Variants in GRID2 observed in about 807,000 individuals in gnomAD.
GRID2 encodes glutamate receptor ionotropic, delta-2.
In GRID2, 33 loss-of-function variants were observed where a neutral mutation model predicts 114.8. The ratio of observed to expected loss-of-function variants is 0.29; its 90% CI spans 0.22 to 0.38. The LOEUF (loss-of-function observed/expected upper bound fraction) is 0.38. GRID2 is among the 10% of genes least tolerant of loss of function. The pLI is 1.00. For synonymous variants in GRID2, 505 were observed against 449.9 expected, an observed-to-expected ratio of 1.12 and a Z score of -1.55; for missense variants, 1,184 against 1,257.7, an observed-to-expected ratio of 0.94 and a Z score of 0.89.
At chr4:93,407,992 C>A (rs1270291477) in intron 9 of GRID2, among the ~76,000 whole-genome samples, 1 of 152,006 alleles carries the variant, frequency 6.6e-6, no homozygotes, top group African/African-American at 2.4e-5. Context: ...CTTTGCAATT[C>A]AATTAAAAAT....
intron 1 of GRID2, among the ~76,000 whole-genome samples, chr4:92,478,383 T>C (rs1267193516): frequency 6.6e-6 from 1 of 152,090 alleles, no homozygotes; most frequent in African/African-American, 2.4e-5. Flanking sequence ...CTCCATAAAA[T>C]TGCATTTTAG....
At chr4:92,704,120 T>C (rs1225583377) in intron 2 of GRID2, among the ~76,000 whole-genome samples, 1 of 151,914 alleles carries the variant, frequency 6.6e-6, no homozygotes, top group Non-Finnish European at 1.5e-5. Context: ...ACTTAAAAAA[T>C]ACAAAAAATT....
chr4:92,839,392 A>G (rs946025225), intron 2 of GRID2, among the ~76,000 whole-genome samples: 16 of 148,002 alleles, frequency 1.1e-4, no homozygotes, highest in Non-Finnish European at 2.1e-4. Context: ...GGCATTAGGT[A>G]TATCTCCTAA....
At position 93,773,684 on chromosome 4, in the gene GRID2, T is replaced by C. The variant is rs1353731708; in HGVS notation, c.*1186T>C. On this transcript the variant is annotated 3_prime_UTR_variant, in exon 16 of 16. Coordinates refer to ENST00000282020, the MANE Select transcript of GRID2 (RefSeq NM_001510.4). ...CAAAGCAGCAAGTCAATCAATACAA[T>C]AATGATATTTGGGGAGGGGTGGGAG... The C allele has an allele frequency of 6.6e-6, 1 of 152,112 alleles. No homozygotes were observed. Among genetic ancestry groups the C allele is most frequent in the Non-Finnish European group, 1.5e-5 (1 of 67,976 alleles). 9.4% of individuals were successfully genotyped at this position (152,112 alleles called of 1,614,324 possible). A position where few individuals can be genotyped will look rare whatever the true frequency, so the allele number is the denominator to read the frequency against.
chr4:93,786,749 G>C (rs996401664), intron 1 of GRID2, among the ~76,000 whole-genome samples: 1 of 152,198 alleles, frequency 6.6e-6, no homozygotes, highest in Admixed American at 6.5e-5. Flanking sequence ...GTACAGCTTT[G>C]AGGGCTCAGC....
chr4:92,748,632 GTATTATTATTAT>G (rs10673614), intron 2 of GRID2, among the ~76,000 whole-genome samples: 3,296 of 137,748 alleles, frequency 0.024, 82 homozygotes, highest in East Asian at 0.1. Context: ...TAATTAAATT[GTATTATTATTAT>G]TATTATTATT....
At chr4:93,704,182 G>A (rs542107081) in intron 14 of GRID2, among the ~76,000 whole-genome samples, 1 of 152,026 alleles carries the variant, frequency 6.6e-6, no homozygotes, top group Non-Finnish European at 1.5e-5. Context: ...TTTAATGATG[G>A]CCATTCTAAT....
intron 2 of GRID2, among the ~76,000 whole-genome samples, chr4:92,704,571 T>C (rs978725755): frequency 6.6e-6 from 1 of 152,182 alleles, no homozygotes; most frequent in Admixed American, 6.5e-5. Flanking sequence ...TAAATATTTG[T>C]CTTTAAAATT....
At chr4:92,550,369 G>A (rs567515461) in intron 1 of GRID2, among the ~76,000 whole-genome samples, 1 of 152,238 alleles carries the variant, frequency 6.6e-6, no homozygotes, top group South Asian at 2.1e-4. Context: ...ATAATAGTAT[G>A]TTAAGAACCA....
intron 13 of GRID2, among the ~76,000 whole-genome samples, chr4:93,594,616 A>G (rs1738837582): frequency 1.3e-5 from 2 of 152,176 alleles, no homozygotes; most frequent in Non-Finnish European, 2.9e-5. Flanking sequence ...TGTTTACCTA[A>G]GCAAGCCTGG....
At chr4:92,907,639 A>G (rs2149487515) in intron 2 of GRID2, among the ~76,000 whole-genome samples, 1 of 151,926 alleles carries the variant, frequency 6.6e-6, no homozygotes, top group African/African-American at 2.4e-5. Flanking sequence ...TGAACTCCTG[A>G]CCTCAGTTGA....
chr4:93,663,629 T>C (rs1010986579), intron 14 of GRID2, among the ~76,000 whole-genome samples: 1 of 152,174 alleles, frequency 6.6e-6, no homozygotes, highest in Non-Finnish European at 1.5e-5. Context: ...CAGGCAGTGC[T>C]TCATGAAGGA....
chr4:92,670,462 C>A (rs866700196), intron 2 of GRID2, among the ~76,000 whole-genome samples: 1 of 151,872 alleles, frequency 6.6e-6, no homozygotes, highest in Non-Finnish European at 1.5e-5. Context: ...TGGATGAACA[C>A]TTGGTAAGGT....
intron 1 of GRID2, among the ~76,000 whole-genome samples, chr4:92,315,844 G>A (rs1335502838): frequency 1.3e-5 from 2 of 151,618 alleles, no homozygotes; most frequent in African/African-American, 2.4e-5. Flanking sequence ...GGTGGTGTGC[G>A]CCTGTAATCC....
chr4:93,217,995 T>C (rs998029469), intron 6 of GRID2, among the ~76,000 whole-genome samples: 3 of 151,890 alleles, frequency 2.0e-5, no homozygotes, highest in African/African-American at 7.3e-5. Flanking sequence ...TCCTCTCTAA[T>C]AATACTAGAT....
intron 13 of GRID2, among the ~76,000 whole-genome samples, chr4:93,584,310 G>A (rs1737320728): frequency 6.6e-6 from 1 of 152,006 alleles, no homozygotes; most frequent in South Asian, 2.1e-4. Context: ...ATAAAACTGG[G>A]AAAAAATAAT....
At chr4:93,633,685 A>C (rs182592616) in intron 14 of GRID2, among the ~76,000 whole-genome samples, 147 of 152,220 alleles carry the variant, frequency 9.7e-4, no homozygotes, top group Non-Finnish European at 1.9e-3. Context: ...TCATCCAACC[A>C]ATAAAAAAGC....
intron 13 of GRID2, among the ~76,000 whole-genome samples, chr4:93,608,296 C>CTTTTTTTTTTTTTTATTTTTTTTTTT (rs774334616): frequency 1.8e-4 from 21 of 116,922 alleles, no homozygotes; most frequent in East Asian, 4.8e-4. Context: ...ATTTTTTTTT[C>CTTTTTTTTTTTTTTATTTTTTTTTTT]TTTTTTTTTT....
intron 1 of GRID2, among the ~76,000 whole-genome samples, chr4:92,464,839 G>A (rs922742848): frequency 4.6e-5 from 7 of 152,212 alleles, no homozygotes; most frequent in East Asian, 1.9e-4. Context: ...CCCAAATCTC[G>A]TGTTGAATTG....
Sources: allele counts gnomAD v4.1 joint callset (sites outside exome capture counted in the v4.1 genomes callset), GRCh38; gene constraint gnomAD v4.1.1; transcripts MANE v1.5; gene names NCBI Gene and HGNC (gene_info 2026-07-23, HGNC 2026-07-21).